The following PTPRF variants were observed in gnomAD, a reference collection of about 807,000 sequenced individuals.
PTPRF encodes the protein protein tyrosine phosphatase receptor type F.
In PTPRF, 59 loss-of-function variants were observed where a neutral mutation model predicts 201.8. The observed-to-expected ratio is 0.29, with a 90% CI of 0.24 to 0.36. The LOEUF (loss-of-function observed/expected upper bound fraction) is 0.36. Among genes scored for constraint, PTPRF ranks in the 10% least tolerant of loss-of-function variants. The pLI is 1.00. For missense variants in PTPRF, 2,132 were observed against 2,690.5 expected, an observed-to-expected ratio of 0.79 and a Z score of 4.59; for synonymous variants, 1,088 against 1,089.7, an observed-to-expected ratio of 1.00 and a Z score of 0.03.
At chr1:43,526,877 C>G (rs1396588106), upstream of PTPRF, among the ~76,000 whole-genome samples, 2 of 152,174 alleles carry the variant, frequency 1.3e-5, no homozygotes, top group Non-Finnish European at 2.9e-5. Flanking sequence ...GCAGCAGCAG[C>G]CTGAAAAATC....
chr1:43,577,887 G>C (rs1473280632), intron 6 of PTPRF, among the ~76,000 whole-genome samples: 1 of 152,234 alleles, frequency 6.6e-6, no homozygotes, highest in Non-Finnish European at 1.5e-5. Context: ...GTCACAGACA[G>C]CTTGCCCAGT....
chr1:43,612,667 C>T (rs1656743250), intron 22 of PTPRF: 3 of 1,121,038 alleles, frequency 2.7e-6, no homozygotes, highest in African/African-American at 1.6e-5. Flanking sequence ...CGCTCGGCAC[C>T]TCCACTGTGT....
chr1:43,563,370 G>A (rs1645941881), intron 5 of PTPRF, among the ~76,000 whole-genome samples: 1 of 152,112 alleles, frequency 6.6e-6, no homozygotes, highest in South Asian at 2.1e-4. Flanking sequence ...AATCTGTTGA[G>A]CCAGGTGTGC....
intron 5 of PTPRF, among the ~76,000 whole-genome samples, chr1:43,555,067 G>T (rs1430732911): frequency 6.6e-6 from 1 of 151,824 alleles, no homozygotes; most frequent in South Asian, 2.1e-4. Flanking sequence ...GGTCAGGCTG[G>T]TCTCAAACTC....
At position 43,588,722 on chromosome 1, in the gene PTPRF, C is replaced by G. The variant is rs955887140; in HGVS notation, c.680-9C>G. On this transcript the variant is annotated splice_polypyrimidine_tract_variant and intron_variant, in intron 7 of 33. Coordinates refer to ENST00000359947, the MANE Select transcript of PTPRF (RefSeq NM_002840.5). The surrounding 1 kb of genome is among the most constrained non-coding windows in gnomAD (Gnocchi z 5.3). ...CGGCCTGTGAGTGCCTCTCTCCCTC[C>G]TCCTGCAGTGCGCCGCGTGGCTCCT... 1 of 1,612,208 alleles carries G rather than the reference C, an allele frequency of 6.2e-7. No homozygotes were observed. The highest frequency in any genetic ancestry group is 1.3e-5 in the African/African-American group (1 of 74,878).
chr1:43,532,750 A>G (rs1350256392), intron 1 of PTPRF, among the ~76,000 whole-genome samples: 1 of 152,064 alleles, frequency 6.6e-6, no homozygotes, highest in Non-Finnish European at 1.5e-5. Flanking sequence ...TATATGAATG[A>G]GCCTAGGGCT....
intron 6 of PTPRF, among the ~76,000 whole-genome samples, chr1:43,573,877 T>C (rs150120784): frequency 0.011 from 1,593 of 151,322 alleles, 83 homozygotes; most frequent in Admixed American, 0.09. Flanking sequence ...CACCAAGTCC[T>C]GGCGTGGATG....
intron 33 of PTPRF, 29 bp downstream of exon 33, chr1:43,621,261 G>A (rs761358156): frequency 1.2e-6 from 2 of 1,609,580 alleles, no homozygotes; most frequent in East Asian, 2.2e-5. Context: ...CAGGGCCAGG[G>A]CCTTGGCAGC....
Position 43,620,888 on chromosome 1 carries a change from G to A in PTPRF, c.5415G>A (p.Glu1805=), listed in dbSNP as rs373191864. ...AGTTCCAGTTCACAGACTGGCCAGA[G>A]CAGGGCGTGCCCAAGACAGGCGAGG... ...IRQFQFTDWP[E]QGVPKTGEGF... Residue 1805 remains glutamate (E), a synonymous_variant, in exon 32 of 34, where the codon GAG becomes GAA. Coordinates refer to ENST00000359947, the MANE Select transcript of PTPRF (RefSeq NM_002840.5). 3.7e-5 allele frequency: 59 copies of A among 1,614,092 alleles called. 1 individual carries two copies. In the African/African-American group the frequency reaches 6.7e-4, roughly 18 times the overall value.
chr1:43,586,601 T>C (rs534638115), intron 7 of PTPRF, among the ~76,000 whole-genome samples: 7 of 152,354 alleles, frequency 4.6e-5, no homozygotes, highest in African/African-American at 1.4e-4. Flanking sequence ...AACCCACTTA[T>C]ACCAGCGTAA....
chr1:43,544,259 C>T (rs1421126978), intron 2 of PTPRF, among the ~76,000 whole-genome samples: 1 of 151,912 alleles, frequency 6.6e-6, no homozygotes, highest in Non-Finnish European at 1.5e-5. Flanking sequence ...GGTTTGAATT[C>T]TAGGGTCTAA....
intron 33 of PTPRF, among the ~76,000 whole-genome samples, chr1:43,621,695 C>T (rs548621200): frequency 2.0e-5 from 3 of 152,148 alleles, no homozygotes; most frequent in Admixed American, 2.0e-4. Flanking sequence ...AGCAGAGAAA[C>T]ATGATTGGGA....
chr1:43,571,552 A>G (rs554557999), intron 6 of PTPRF, among the ~76,000 whole-genome samples: 13 of 152,072 alleles, frequency 8.5e-5, no homozygotes, highest in African/African-American at 3.1e-4. Context: ...GCACCCTCCA[A>G]CCTGGAACAT....
intron 1 of PTPRF, among the ~76,000 whole-genome samples, chr1:43,535,192 G>C (rs867162089): frequency 4.6e-5 from 7 of 152,168 alleles, no homozygotes; most frequent in Non-Finnish European, 7.4e-5. Context: ...AACAAAGGGG[G>C]TGCCTGCCCC....
Position 43,554,853 on chromosome 1 carries a change from C to CTT in PTPRF, c.379+914_379+915dup, listed in dbSNP as rs1280917056. On this transcript the variant is annotated intron_variant, in intron 5 of 33. Coordinates refer to ENST00000359947, the MANE Select transcript of PTPRF (RefSeq NM_002840.5). The surrounding 1 kb of genome is among the most constrained non-coding windows in gnomAD (Gnocchi z 4.1). Reference sequence around the variant, plus strand: ...TTGCTTTTTTTTCTTTTCTTTCTTTCTTTCTTTTTTTTTTTTTGAGATGCA... The same window carrying CTT: ...TTGCTTTTTTTTCTTTTCTTTCTTTCTTTTTCTTTTTTTTTTTTTGAGATGCA... Among the ~76,000 whole-genome samples the CTT allele has an allele frequency of 4.1e-4, 58 of 143,200 alleles. No individual in the cohort carries two copies. The highest frequency in any genetic ancestry group is 1.5e-3 in the African/African-American group (53 of 35,690). The allele number at this position is 143,200 out of a possible 152,430, so 93.9% of individuals were successfully genotyped here. A position where few individuals can be genotyped will look rare whatever the true frequency, so the allele number is the denominator to read the frequency against.
intron 5 of PTPRF, among the ~76,000 whole-genome samples, chr1:43,556,201 TCACA>T (rs775284349): frequency 5.3e-5 from 8 of 152,232 alleles, no homozygotes; most frequent in Non-Finnish European, 1.2e-4. Context: ...CTTTATCTGT[TCACA>T]CACACATCTC....
chr1:43,609,860 G>A (rs1656029016), intron 22 of PTPRF, among the ~76,000 whole-genome samples: 1 of 152,254 alleles, frequency 6.6e-6, no homozygotes, highest in Admixed American at 6.5e-5. Context: ...CCACATGAAA[G>A]AGGGGCATGT....
intron 7 of PTPRF, chr1:43,579,311 C>T (rs1349037231): frequency 2.3e-6 from 1 of 435,632 alleles, no homozygotes; most frequent in South Asian, 1.7e-5. Flanking sequence ...GCCTGGCTTT[C>T]CTTCAGTACA....
At chr1:43,580,471 C>T (rs1447293855) in intron 7 of PTPRF, among the ~76,000 whole-genome samples, 1 of 152,190 alleles carries the variant, frequency 6.6e-6, no homozygotes, top group Admixed American at 6.5e-5. Flanking sequence ...GAGTTGGGGG[C>T]ATGGGATGGG....
Sources: allele counts gnomAD v4.1 joint callset (sites outside exome capture counted in the v4.1 genomes callset), GRCh38; gene constraint gnomAD v4.1.1; non-coding constraint Gnocchi (gnomAD v3.1); transcripts MANE v1.5; gene names NCBI Gene and HGNC (gene_info 2026-07-23, HGNC 2026-07-21).